The following PTPRK variants were observed in gnomAD, a reference collection of about 807,000 sequenced individuals.
PTPRK encodes the protein protein tyrosine phosphatase receptor type K.
In PTPRK, 75 loss-of-function variants were observed where a neutral mutation model predicts 178.0. The observed-to-expected ratio is 0.42, with a 90% CI of 0.35 to 0.51. The LOEUF (loss-of-function observed/expected upper bound fraction) is 0.51. PTPRK is among the 20% of genes least tolerant of loss of function. The probability of loss-of-function intolerance (pLI) is 0.02; values close to 1 mark genes in which losing one functional copy is unlikely to be tolerated. For synonymous variants in PTPRK, 637 were observed against 620.6 expected, an observed-to-expected ratio of 1.03 and a Z score of -0.39; for missense variants, 1,441 against 1,797.8, an observed-to-expected ratio of 0.80 and a Z score of 3.59.
intron 1 of PTPRK, among the ~76,000 whole-genome samples, chr6:128,486,597 A>G (rs1852927246): frequency 6.6e-6 from 1 of 152,124 alleles, no homozygotes; most frequent in South Asian, 2.1e-4. Flanking sequence ...TGAACTCAGG[A>G]GTTCAAGACC....
At chr6:128,383,790 T>C (rs796383517) in intron 2 of PTPRK, among the ~76,000 whole-genome samples, 26 of 152,334 alleles carry the variant, frequency 1.7e-4, no homozygotes, top group African/African-American at 6.0e-4. Flanking sequence ...TTATGAACAA[T>C]AGCATATCTT....
At chr6:128,339,046 A>G (rs1367921642) in intron 2 of PTPRK, among the ~76,000 whole-genome samples, 1 of 152,062 alleles carries the variant, frequency 6.6e-6, no homozygotes, top group Non-Finnish European at 1.5e-5. Context: ...AATCTTAAAT[A>G]TTTTATAAAT....
At chr6:128,392,037 C>G (rs915550207) in intron 2 of PTPRK, among the ~76,000 whole-genome samples, 1 of 152,164 alleles carries the variant, frequency 6.6e-6, no homozygotes, top group East Asian at 1.9e-4. Context: ...CCAAATCTCT[C>G]CAAATAAATA....
chr6:128,330,866 AC>A (rs1225009752), intron 2 of PTPRK, among the ~76,000 whole-genome samples: 1 of 147,040 alleles, frequency 6.8e-6, no homozygotes, highest in African/African-American at 2.6e-5. Context: ...AAAAACAAAA[AC>A]AAAAACAAAA....
At chr6:128,272,907 C>A (rs1820089298) in intron 3 of PTPRK, among the ~76,000 whole-genome samples, 1 of 152,168 alleles carries the variant, frequency 6.6e-6, no homozygotes, top group South Asian at 2.1e-4. Flanking sequence ...GACACACGGA[C>A]ACGTATGTTT....
intron 6 of PTPRK, among the ~76,000 whole-genome samples, chr6:128,193,757 T>G (rs1484527409): frequency 6.6e-5 from 10 of 152,132 alleles, no homozygotes; most frequent in Admixed American, 6.5e-4. Context: ...TGCATTACCA[T>G]GGCGTTTTAT....
At chr6:128,059,221 A>G (rs929648614) in intron 13 of PTPRK, among the ~76,000 whole-genome samples, 8 of 152,088 alleles carry the variant, frequency 5.3e-5, no homozygotes, top group Non-Finnish European at 7.4e-5. Flanking sequence ...CTACACATTA[A>G]TGTAGGAGCA....
chr6:128,199,354 A>G (rs1805489895), intron 6 of PTPRK, among the ~76,000 whole-genome samples: 1 of 152,162 alleles, frequency 6.6e-6, no homozygotes, highest in African/African-American at 2.4e-5. Context: ...GAAACCAGAT[A>G]AGAGTATAAA....
intron 6 of PTPRK, among the ~76,000 whole-genome samples, chr6:128,199,415 CA>C (rs1805499119): frequency 6.6e-6 from 1 of 151,940 alleles, no homozygotes; most frequent in Non-Finnish European, 1.5e-5. Context: ...TGTTATAAAC[CA>C]AGAACAGTGG....
At chr6:128,507,541 A>G (rs1225879222) in intron 1 of PTPRK, among the ~76,000 whole-genome samples, 1 of 152,068 alleles carries the variant, frequency 6.6e-6, no homozygotes, top group Non-Finnish European at 1.5e-5. Context: ...GTCACAGCCC[A>G]CCCTCATTCC....
intron 3 of PTPRK, among the ~76,000 whole-genome samples, chr6:128,281,990 A>G (rs1340237789): frequency 6.6e-6 from 1 of 152,104 alleles, no homozygotes; most frequent in Non-Finnish European, 1.5e-5. Context: ...CATTGAGAGA[A>G]AAAAAAAGAA....
At chr6:128,005,569 A>G (rs1024466195) in intron 14 of PTPRK, among the ~76,000 whole-genome samples, 3 of 149,288 alleles carry the variant, frequency 2.0e-5, no homozygotes, top group African/African-American at 7.4e-5. Flanking sequence ...AGAGTAATTC[A>G]ATAAATATTC....
chr6:128,283,047 C>T (rs995151365), intron 3 of PTPRK, among the ~76,000 whole-genome samples: 7 of 152,246 alleles, frequency 4.6e-5, no homozygotes, highest in African/African-American at 1.4e-4. Flanking sequence ...AACACCCCCA[C>T]CACAAAGGGT....
intron 13 of PTPRK, among the ~76,000 whole-genome samples, chr6:128,022,469 G>A (rs1000959306): frequency 2.6e-5 from 4 of 152,138 alleles, no homozygotes; most frequent in East Asian, 1.9e-4. Flanking sequence ...TTACTTTTTC[G>A]ATTATTTTCA....
chr6:128,057,738 C>G (rs1780140571), intron 13 of PTPRK, among the ~76,000 whole-genome samples: 1 of 152,154 alleles, frequency 6.6e-6, no homozygotes, highest in Admixed American at 6.5e-5. Flanking sequence ...GCCATGAGAA[C>G]AGGACAACTC....
chr6:128,221,021 A>G (rs1810304190), intron 5 of PTPRK, among the ~76,000 whole-genome samples: 1 of 152,198 alleles, frequency 6.6e-6, no homozygotes, highest in Non-Finnish European at 1.5e-5. Context: ...CATTCCACTG[A>G]TTAGTACTAC....
chr6:128,328,662 C>T lies in PTPRK; in HGVS notation c.224-6352G>A, dbSNP rs139052266. 1.9e-4 allele frequency among the ~76,000 whole-genome samples: 29 copies of T among 152,002 alleles called. No homozygotes were observed. In the East Asian group the frequency reaches 4.6e-3, roughly 24 times the overall value. The stretch of plus-strand genomic sequence containing the variant: ...TTCTCAAATGTTTTAGTCTCAGGAC[C>T]CCTTTATACTTGTGATACTAAGGAT... On this transcript the variant is annotated intron_variant, in intron 2 of 29. Transcript: ENST00000368226.
chr6:128,414,332 G>A (rs1842609839), intron 1 of PTPRK, among the ~76,000 whole-genome samples: 1 of 152,136 alleles, frequency 6.6e-6, no homozygotes, highest in South Asian at 2.1e-4. Flanking sequence ...AGTAAATGAT[G>A]AGCGTCTCCA....
At chr6:128,342,930 AC>A (rs540194895) in intron 2 of PTPRK, among the ~76,000 whole-genome samples, 133 of 152,158 alleles carry the variant, frequency 8.7e-4, no homozygotes, top group African/African-American at 3.0e-3. Context: ...CTAAAAAAAA[AC>A]AATTAAAAAA....
Sources: allele counts gnomAD v4.1 joint callset (sites outside exome capture counted in the v4.1 genomes callset), GRCh38; gene constraint gnomAD v4.1.1; transcripts MANE v1.5; gene names NCBI Gene and HGNC (gene_info 2026-07-23, HGNC 2026-07-21).